Variants in MARCHF4 observed in about 807,000 individuals in gnomAD.
MARCHF4 encodes the protein E3 ubiquitin-protein ligase MARCHF4.
MARCHF4 carries 14 observed loss-of-function variants against 43.9 expected under a neutral mutation model. The ratio of observed to expected loss-of-function variants is 0.32; its 90% CI spans 0.21 to 0.50. The LOEUF is 0.50. Among genes scored for constraint, MARCHF4 ranks in the 20% least tolerant of loss-of-function variants. MARCHF4 has a pLI of 0.98. For synonymous variants in MARCHF4, 226 were observed against 213.3 expected (o/e 1.06, Z -0.52); for missense variants, 468 against 536.7 (o/e 0.87, Z 1.27).
At chr2:216,307,416 C>T (rs967705071) in intron 1 of MARCHF4, among the ~76,000 whole-genome samples, 2 of 152,018 alleles carry the variant, frequency 1.3e-5, no homozygotes, top group South Asian at 2.1e-4. Context: ...ATTTTTAAAC[C>T]CTTGCTAGGC....
At chr2:216,270,237 G>C (rs1276624935) in intron 3 of MARCHF4, among the ~76,000 whole-genome samples, 1 of 152,030 alleles carries the variant, frequency 6.6e-6, no homozygotes, top group East Asian at 1.9e-4. Flanking sequence ...CACCATGCCT[G>C]GCTAATTTTT....
At chr2:216,343,829 G>T (rs753893974) in intron 1 of MARCHF4, among the ~76,000 whole-genome samples, 1 of 152,180 alleles carries the variant, frequency 6.6e-6, no homozygotes, top group South Asian at 2.1e-4. Context: ...GAAGTCGGGG[G>T]ACTTTGTGAA....
chr2:216,346,840 C>T (rs1213874786), intron 1 of MARCHF4, among the ~76,000 whole-genome samples: 2 of 152,058 alleles, frequency 1.3e-5, no homozygotes, highest in Non-Finnish European at 2.9e-5. Flanking sequence ...AGTCTGTGTC[C>T]CCATTCAAAT....
intron 3 of MARCHF4, among the ~76,000 whole-genome samples, chr2:216,271,747 G>A (rs1007504137): frequency 5.9e-5 from 9 of 152,006 alleles, no homozygotes; most frequent in Non-Finnish European, 1.3e-4. Flanking sequence ...TTGAAAGCAG[G>A]TGACTCTCTC....
Position 216,271,601 on chromosome 2 carries a change from T to C in MARCHF4, c.865+6071A>G, listed in dbSNP as rs191750630. 2.1e-3 allele frequency among the ~76,000 whole-genome samples: 317 copies of C among 152,328 alleles called. 2 individuals carry two copies. Among genetic ancestry groups the C allele is most frequent in the Non-Finnish European group, 2.3e-3 (156 of 68,030 alleles). On this transcript the variant is annotated intron_variant, in intron 3 of 3. Transcript: ENST00000273067. ...CAGCCAACAAAAGCTACTGAAGGAA[T>C]GGATATGACCCGCTCTGACTCAAGT...
At chr2:216,298,395 A>G (rs2105948297) in intron 1 of MARCHF4, among the ~76,000 whole-genome samples, 1 of 150,222 alleles carries the variant, frequency 6.7e-6, no homozygotes, top group East Asian at 2.0e-4. Context: ...CCTCCTGGGT[A>G]GCTGGGACTA....
intron 1 of MARCHF4, among the ~76,000 whole-genome samples, chr2:216,361,917 C>T (rs561246585): frequency 1.3e-5 from 2 of 152,216 alleles, no homozygotes; most frequent in South Asian, 2.1e-4. Flanking sequence ...TTGTTGTGTG[C>T]CTAGATCTTT....
rs551122438 is a variant in MARCHF4, at chr2:216,362,853, C to T, written c.516+6892G>A. 4.2e-4 allele frequency among the ~76,000 whole-genome samples: 64 copies of T among 152,290 alleles called. No individual in the cohort carries two copies. The South Asian group carries it at 0.012, about 28-fold the overall frequency. On this transcript the variant is annotated intron_variant, in intron 1 of 3. Transcript: ENST00000273067. Reference sequence around the variant, plus strand: ...ATGCACATGTAAACTCTGGCTTATACCTGATGCATCTCAGGAGGGGGATGG... The same window carrying T: ...ATGCACATGTAAACTCTGGCTTATATCTGATGCATCTCAGGAGGGGGATGG...
Position 216,277,725 on chromosome 2 carries a change from A to T in MARCHF4, c.812T>A (p.Leu271His). 6.2e-7 allele frequency: 1 copy of T among 1,614,092 alleles called. No homozygotes were observed. Among genetic ancestry groups the T allele is most frequent in the Non-Finnish European group, 8.5e-7 (1 of 1,179,946 alleles). ...CATCCCGTAGCAGATCTGGAAGAGA[A>T]GGTCTTGGCGCTGCCATCTTGCCGA... ...SPSARWQRQDLLFQICYGMYG... is the reference protein window; with the variant it reads ...SPSARWQRQDHLFQICYGMYG... The change falls in exon 3 of 4, where the codon CTT becomes CAT. Residue 271 changes from leucine to histidine, a missense_variant. Leu to His is a moderately conservative substitution (Grantham distance 99). Around this residue, in one of 3 missense-constraint regions of MARCHF4, gnomAD observed 158 missense variants for 251.1 expected, o/e 0.63. Transcript: ENST00000273067.
chr2:216,259,828 A>G, intron 3 of MARCHF4, 149 bp from the exon 4 acceptor site: 1 of 758,532 alleles, frequency 1.3e-6, no homozygotes, highest in Non-Finnish European at 2.1e-6. Flanking sequence ...TCCCAGGCTC[A>G]GCAAGTTCCA....
intron 1 of MARCHF4, among the ~76,000 whole-genome samples, chr2:216,335,336 G>A (rs1324303837): frequency 6.6e-6 from 1 of 152,144 alleles, no homozygotes; most frequent in African/African-American, 2.4e-5. Context: ...ACTAAAAATG[G>A]GAATGATAGA....
intron 1 of MARCHF4, among the ~76,000 whole-genome samples, chr2:216,368,672 A>T (rs143274313): frequency 6.6e-6 from 1 of 152,342 alleles, no homozygotes; most frequent in African/African-American, 2.4e-5. Flanking sequence ...GAGTATCCAG[A>T]AATCCTCCCT....
chr2:216,268,080 C>G (rs549513218), intron 3 of MARCHF4, among the ~76,000 whole-genome samples: 1 of 152,312 alleles, frequency 6.6e-6, no homozygotes, highest in South Asian at 2.1e-4. Flanking sequence ...TCTACAGCTG[C>G]TGCTTCTCAT....
At chr2:216,331,290 TA>T (rs905071536) in intron 1 of MARCHF4, among the ~76,000 whole-genome samples, 2 of 151,450 alleles carry the variant, frequency 1.3e-5, no homozygotes, top group African/African-American at 2.4e-5. Flanking sequence ...AAGCACAATT[TA>T]AAAAAAACAA....
chr2:216,315,508 T>C (rs766607374), intron 1 of MARCHF4, among the ~76,000 whole-genome samples: 6 of 152,216 alleles, frequency 3.9e-5, no homozygotes, highest in Non-Finnish European at 8.8e-5. Context: ...TGATTTAAAA[T>C]CAGAGACAAC....
rs760113158 is a variant in MARCHF4 at position 216,277,826 on chromosome 2, C to G, written c.711G>C (p.Gln237His). The G allele has an allele frequency of 1.2e-6, 2 of 1,613,852 alleles. No homozygotes were observed. The highest frequency in any genetic ancestry group is 1.7e-6 in the Non-Finnish European group (2 of 1,179,760). ...GGGAGCCCAGGATGGCGGCTGCAAC[C>G]TGAACCTTCTCAATGACCGTCAGAG... Reference protein sequence around the residue: ...AISLTVIEKVQVAAAILGSLF... With the variant: ...AISLTVIEKVHVAAAILGSLF... The change falls in exon 3 of 4, where the codon CAG becomes CAC. Residue 237 changes from glutamine to histidine, a missense_variant. Around this residue, in one of 3 missense-constraint regions of MARCHF4, gnomAD observed 158 missense variants for 251.1 expected, o/e 0.63. Transcript: ENST00000273067.
At chr2:216,323,554 T>C in intron 1 of MARCHF4, among the ~76,000 whole-genome samples, 1 of 152,142 alleles carries the variant, frequency 6.6e-6, no homozygotes, top group East Asian at 1.9e-4. Flanking sequence ...ATTGACCACA[T>C]ACTGGGAAGT....
intron 1 of MARCHF4, among the ~76,000 whole-genome samples, chr2:216,327,282 A>G (rs4672796): frequency 0.37 from 56,090 of 151,908 alleles, 10,783 homozygotes; most frequent in East Asian, 0.54. Flanking sequence ...CCTATATTCT[A>G]AAGTTTTTTG....
At chr2:216,330,095 TA>T (rs796612385) in intron 1 of MARCHF4, among the ~76,000 whole-genome samples, 289 of 143,540 alleles carry the variant, frequency 2.0e-3, no homozygotes, top group Middle Eastern at 3.6e-3. Context: ...TCTGCCTCAT[TA>T]AAAAAAAAAA....
Sources: gnomAD v4.1 joint callset for allele counts (sites outside exome capture counted in the v4.1 genomes callset) on GRCh38, gnomAD v4.1.1 for gene constraint, gnomAD v4.1.1 regional missense constraint, MANE v1.5 for transcripts, NCBI Gene and HGNC (gene_info 2026-07-23, HGNC 2026-07-21) for gene names.